GEMIN2: variants seen among roughly 807,000 people sequenced by gnomAD.
GEMIN2 encodes the protein gem-associated protein 2.
GEMIN2 carries 37 observed loss-of-function variants against 45.8 expected under a neutral mutation model. That is an observed-to-expected ratio of 0.81 (90% CI 0.62 to 1.06). The LOEUF (loss-of-function observed/expected upper bound fraction) is 1.06. Ranked by LOEUF, GEMIN2 falls within the 50% of genes least tolerant of loss-of-function variation. The pLI, the probability that GEMIN2 is intolerant of heterozygous loss-of-function variation, is 0.00. For synonymous variants in GEMIN2, 101 were observed against 111.5 expected (o/e 0.91, Z 0.60); for missense variants, 335 against 321.8 (o/e 1.04, Z -0.31).
chr14:39,121,511 G>A (rs949394128), intron 4 of GEMIN2, among the ~76,000 whole-genome samples: 2 of 152,138 alleles, frequency 1.3e-5, no homozygotes, highest in South Asian at 2.1e-4. Context: ...CAACTTGGGC[G>A]ACAGAGCAAG....
At chr14:39,124,876 C>T in intron 5 of GEMIN2, 116 bp from the exon 6 acceptor site, 2 of 632,644 alleles carry the variant, frequency 3.2e-6, no homozygotes, top group Non-Finnish European at 5.7e-6. Context: ...AAAGAATTTT[C>T]TTTTATTTGT....
At position 39,118,967 on chromosome 14, in the gene GEMIN2, G is replaced by A. The variant is rs1473656542; in HGVS notation, c.372+368G>A. On this transcript the variant is annotated intron_variant, in intron 4 of 9. Coordinates refer to ENST00000308317, the MANE Select transcript of GEMIN2 (RefSeq NM_003616.3). ...TTGTTAAAATTTTTTGTAGAGACAA[G>A]GTCTCCCTGTGTTACCCAGGCTGGT... is the stretch of plus-strand genomic sequence containing the variant. Among the ~76,000 whole-genome samples, 5 of 151,582 alleles carry A rather than the reference G, an allele frequency of 3.3e-5. No individual in the cohort carries two copies. In the South Asian group the frequency reaches 8.4e-4, roughly 25 times the overall value.
At position 39,125,708 on chromosome 14, in the gene GEMIN2, T is replaced by C. The variant is rs535803389; in HGVS notation, c.531+672T>C. ...TTAGATTGCTATTTCTAGTTCTAGATGTCCTATACATTCTATTAAGATTGA... is the reference window on the plus strand; with the variant it reads ...TTAGATTGCTATTTCTAGTTCTAGACGTCCTATACATTCTATTAAGATTGA... On this transcript the variant is annotated intron_variant, in intron 6 of 9. Transcript: ENST00000308317. Among the ~76,000 whole-genome samples the C allele has an allele frequency of 2.6e-5, 4 of 152,272 alleles. No individual in the cohort carries two copies. In the East Asian group the frequency reaches 7.7e-4, roughly 29 times the overall value.
chr14:39,126,241 G>A (rs1280901273), intron 6 of GEMIN2, among the ~76,000 whole-genome samples: 18 of 142,378 alleles, frequency 1.3e-4, no homozygotes, highest in Non-Finnish European at 1.5e-5. Flanking sequence ...GTACAGTGAT[G>A]TGATCTTGGC....
intron 9 of GEMIN2, among the ~76,000 whole-genome samples, chr14:39,134,962 A>G (rs2052764218): frequency 6.6e-6 from 1 of 152,078 alleles, no homozygotes; most frequent in Non-Finnish European, 1.5e-5. Context: ...AATAGATCAG[A>G]GTTGTGTTTT....
intron 8 of GEMIN2, among the ~76,000 whole-genome samples, chr14:39,132,747 C>T (rs1394172634): frequency 3.7e-5 from 5 of 136,124 alleles, no homozygotes; most frequent in East Asian, 4.9e-4. Context: ...GGTGCGGTCT[C>T]GGCTCACTGC....
At chr14:39,136,324 CTTAT>C (rs1213418685) in intron 9 of GEMIN2, 112 bp from the exon 10 acceptor site, 1 of 648,736 alleles carries the variant, frequency 1.5e-6, no homozygotes, top group Non-Finnish European at 2.8e-6. Context: ...CATACTATAG[CTTAT>C]TTAACCAGTT....
At chr14:39,117,270 C>CAAAAAAAA (rs34024177) in intron 2 of GEMIN2, among the ~76,000 whole-genome samples, 2 of 133,494 alleles carry the variant, frequency 1.5e-5, no homozygotes, top group Non-Finnish European at 1.6e-5. Context: ...AACTCCGTCT[C>CAAAAAAAA]AAAAAAAAAA....
chr14:39,118,578 G>A lies in GEMIN2; in HGVS notation c.351G>A (p.Gln117=). The part of the protein sequence containing the change: ...NKHRSHWKSQ[Q]LDSNVTMPKS... ...ATAGAAGTCACTGGAAATCACAACA[G>A]TTGGATAGTAATGTGACAATGGTAT... is the stretch of plus-strand genomic sequence containing the variant. The change falls in exon 4 of 10, where the codon CAG becomes CAA. Residue 117 remains glutamine (Q), a synonymous_variant. Transcript: ENST00000308317. 1 of 1,497,346 alleles carries A rather than the reference G, an allele frequency of 6.7e-7. No homozygotes were observed. Among genetic ancestry groups the A allele is most frequent in the Non-Finnish European group, 9.3e-7 (1 of 1,074,210 alleles). 92.8% of individuals were successfully genotyped at this position (1,497,346 alleles called of 1,614,324 possible).
intron 5 of GEMIN2, among the ~76,000 whole-genome samples, 163 bp from the exon 6 acceptor site, chr14:39,124,829 T>C (rs924820758): frequency 1.3e-5 from 2 of 152,080 alleles, no homozygotes; most frequent in East Asian, 1.9e-4. Context: ...ATTACAAACA[T>C]AGTAGTTTCC....
intron 9 of GEMIN2, chr14:39,133,988 G>C: frequency 4.7e-6 from 1 of 212,194 alleles, no homozygotes; most frequent in Non-Finnish European, 9.3e-6. Flanking sequence ...TAGAGACAGG[G>C]TCTCACTATG....
At chr14:39,122,769 C>T in intron 5 of GEMIN2, 1 of 351,004 alleles carries the variant, frequency 2.8e-6, no homozygotes. Flanking sequence ...CTGTCTGACT[C>T]TTGATAGAAA....
Position 39,136,775 on chromosome 14 carries a change from GTTC to G in GEMIN2, c.*299_*301del, listed in dbSNP as rs542525433. The G allele has an allele frequency of 5.7e-4, 158 of 275,296 alleles. No homozygotes were observed. The highest frequency in any genetic ancestry group is 6.2e-4 in the African/African-American group (28 of 45,238). The allele number at this position is 275,296 out of a possible 1,614,324, so 17.1% of individuals were successfully genotyped here. Reference sequence around the variant, plus strand: ...TTACATAGGTTCTTGGTGCTGTTTTGTTCTTTTTTTGTTTTTTGTTGTTTTGTT... The same window carrying G: ...TTACATAGGTTCTTGGTGCTGTTTTGTTTTTTTGTTTTTTGTTGTTTTGTT... On this transcript the variant is annotated 3_prime_UTR_variant, in exon 10 of 10. Coordinates refer to ENST00000308317, the MANE Select transcript of GEMIN2 (RefSeq NM_003616.3).
chr14:39,129,688 C>T (rs1179832901), intron 7 of GEMIN2, among the ~76,000 whole-genome samples: 1 of 152,116 alleles, frequency 6.6e-6, no homozygotes, highest in Admixed American at 6.6e-5. Context: ...GTTGGAATTA[C>T]AGGCGTGAGC....
chr14:39,135,395 G>A (rs1381124995), intron 9 of GEMIN2, among the ~76,000 whole-genome samples: 1 of 152,042 alleles, frequency 6.6e-6, no homozygotes, highest in African/African-American at 2.4e-5. Context: ...AGACTAGCCT[G>A]GCCAACATGG....
chr14:39,114,580 T>G (rs1457343849), intron 1 of GEMIN2, 105 bp downstream of exon 1: 2 of 839,758 alleles, frequency 2.4e-6, no homozygotes, highest in African/African-American at 3.4e-5. Context: ...TTCAGGTCTA[T>G]TCAGGATTCT....
chr14:39,115,287 G>A (rs2052488332), intron 2 of GEMIN2, among the ~76,000 whole-genome samples: 1 of 152,146 alleles, frequency 6.6e-6, no homozygotes, highest in Non-Finnish European at 1.5e-5. Flanking sequence ...TCCCTCCTCT[G>A]CCACCCAAAG....
chr14:39,118,151 C>T, intron 3 of GEMIN2, 63 bp downstream of exon 3: 1 of 786,716 alleles, frequency 1.3e-6, no homozygotes. Flanking sequence ...TAGACTGTAG[C>T]TGGAAAAATA....
Position 39,136,664 on chromosome 14 carries a change from A to G in GEMIN2, c.*185A>G, listed in dbSNP as rs928198438. 1.4e-5 allele frequency: 7 copies of G among 484,554 alleles called. No homozygotes were observed. Among genetic ancestry groups the G allele is most frequent in the Admixed American group, 1.1e-4 (3 of 26,336 alleles). 30.0% of individuals were successfully genotyped at this position (484,554 alleles called of 1,614,324 possible). On this transcript the variant is annotated 3_prime_UTR_variant, in exon 10 of 10. Coordinates refer to ENST00000308317, the MANE Select transcript of GEMIN2 (RefSeq NM_003616.3). ...GTTGATTTGAATATCTGAAATATCA[A>G]TGGAAAATCCCACTCAGTTTTTGAT...
Sources: allele counts gnomAD v4.1 joint callset (sites outside exome capture counted in the v4.1 genomes callset), GRCh38; gene constraint gnomAD v4.1.1; transcripts MANE v1.5; gene names NCBI Gene and HGNC (gene_info 2026-07-23, HGNC 2026-07-21).